Variants in HDAC9 observed in about 807,000 individuals in gnomAD.
HDAC9 encodes the protein MEF-2 interacting transcription repressor (MITR) protein.
A neutral mutation model predicts 139.4 loss-of-function variants in HDAC9; 41 were observed. The observed-to-expected ratio is 0.29, with a 90% CI of 0.23 to 0.38. HDAC9 has a LOEUF of 0.38. HDAC9 is among the 10% of genes least tolerant of loss of function. HDAC9 has a pLI of 1.00. For synonymous variants in HDAC9, 517 were observed against 476.2 expected (o/e 1.09, Z -1.12); for missense variants, 1,147 against 1,297.0 (o/e 0.88, Z 1.78).
At chr7:18,245,612 A>G (rs553388882) in intron 2 of HDAC9, among the ~76,000 whole-genome samples, 1 of 152,330 alleles carries the variant, frequency 6.6e-6, no homozygotes, top group South Asian at 2.1e-4. Context: ...GCTAACTTCA[A>G]GGACACTGAG....
chr7:18,713,599 C>T (rs1282255655), intron 12 of HDAC9, among the ~76,000 whole-genome samples: 1 of 151,998 alleles, frequency 6.6e-6, no homozygotes, highest in Non-Finnish European at 1.5e-5. Context: ...GTCTTGTCAT[C>T]CTCATAAGGA....
Position 18,509,404 on chromosome 7 carries a change from G to A in HDAC9, c.22+13080G>A, listed in dbSNP as rs570463569. On this transcript the variant is annotated intron_variant, in intron 2 of 25. Coordinates refer to ENST00000686413, the MANE Select transcript of HDAC9 (RefSeq NM_178425.4). Reference sequence around the variant, plus strand: ...AGACTGAGACCGAGCCAAACTCCTGGCCAACGTGCTTTGTGGATTCACAGT... The same window carrying A: ...AGACTGAGACCGAGCCAAACTCCTGACCAACGTGCTTTGTGGATTCACAGT... 14 of 985,422 alleles carry A rather than the reference G, an allele frequency of 1.4e-5. No homozygotes were observed. In the African/African-American group the frequency reaches 2.3e-4, roughly 16 times the overall value. 61.0% of individuals were successfully genotyped at this position (985,422 alleles called of 1,614,324 possible).
At chr7:18,310,931 A>C (rs1301005082) in intron 1 of HDAC9, among the ~76,000 whole-genome samples, 1 of 151,950 alleles carries the variant, frequency 6.6e-6, no homozygotes, top group Non-Finnish European at 1.5e-5. Flanking sequence ...TATCTCTTTC[A>C]AATTTCTATT....
At chr7:18,583,068 A>G (rs995247917) in intron 2 of HDAC9, among the ~76,000 whole-genome samples, 3 of 152,000 alleles carry the variant, frequency 2.0e-5, no homozygotes, top group Admixed American at 2.0e-4. Flanking sequence ...ATGTTTTAGT[A>G]TTTTTATTTT....
At chr7:18,930,080 G>A (rs1303624599) in intron 22 of HDAC9, among the ~76,000 whole-genome samples, 24 of 152,168 alleles carry the variant, frequency 1.6e-4, no homozygotes, top group Admixed American at 1.6e-3. Flanking sequence ...ATATGAACCT[G>A]TACATGTGGC....
At chr7:18,734,519 G>A (rs544391444) in intron 13 of HDAC9, among the ~76,000 whole-genome samples, 1 of 152,234 alleles carries the variant, frequency 6.6e-6, no homozygotes, top group South Asian at 2.1e-4. Flanking sequence ...TGAGAATGGT[G>A]GTTTCCAGCT....
intron 2 of HDAC9, among the ~76,000 whole-genome samples, chr7:18,547,857 T>TTCCC (rs1563229989): frequency 8.4e-6 from 1 of 118,456 alleles, no homozygotes; most frequent in Non-Finnish European, 1.7e-5. Flanking sequence ...CCTTCCTTCC[T>TTCCC]ACCCTCCCTC....
chr7:18,474,941 G>A (rs750162493), intron 1 of HDAC9, among the ~76,000 whole-genome samples: 2 of 152,196 alleles, frequency 1.3e-5, no homozygotes, highest in Non-Finnish European at 2.9e-5. Flanking sequence ...TTGTATGGAT[G>A]TTGCTGATGT....
intron 1 of HDAC9, among the ~76,000 whole-genome samples, chr7:18,390,447 T>C (rs1786368043): frequency 6.6e-6 from 1 of 152,114 alleles, no homozygotes; most frequent in African/African-American, 2.4e-5. Context: ...ATGTTTGGTT[T>C]TATTCTTAGT....
intron 13 of HDAC9, among the ~76,000 whole-genome samples, chr7:18,745,167 G>A (rs1787825389): frequency 6.6e-6 from 1 of 152,142 alleles, no homozygotes; most frequent in Non-Finnish European, 1.5e-5. Context: ...GAGAGAGAAT[G>A]AAAGAGAGAG....
At chr7:18,259,301 C>A (rs1343782730) in intron 2 of HDAC9, among the ~76,000 whole-genome samples, 1 of 151,962 alleles carries the variant, frequency 6.6e-6, no homozygotes, top group African/African-American at 2.4e-5. Context: ...TAAACAGTGC[C>A]ATGATTGCAG....
chr7:18,771,751 C>G (rs1449806111), intron 16 of HDAC9, among the ~76,000 whole-genome samples: 2 of 152,020 alleles, frequency 1.3e-5, no homozygotes, highest in Non-Finnish European at 2.9e-5. Context: ...TCTGGTGTTT[C>G]CCTCCATTAT....
chr7:18,847,011 G>T (rs1367539635), intron 21 of HDAC9, among the ~76,000 whole-genome samples: 1 of 152,174 alleles, frequency 6.6e-6, no homozygotes, highest in East Asian at 1.9e-4. Flanking sequence ...CAGTGACTTT[G>T]ATATTGTTTG....
intron 12 of HDAC9, among the ~76,000 whole-genome samples, chr7:18,692,301 C>T (rs1439945949): frequency 6.6e-6 from 1 of 152,010 alleles, no homozygotes; most frequent in African/African-American, 2.4e-5. Flanking sequence ...TGTGGAGACA[C>T]CCGGAGTACT....
intron 19 of HDAC9, among the ~76,000 whole-genome samples, chr7:18,831,462 TTTGA>T (rs1795851999): frequency 6.6e-6 from 1 of 152,198 alleles, no homozygotes; most frequent in Non-Finnish European, 1.5e-5. Flanking sequence ...CTTCCTGGCC[TTTGA>T]TTATGTATTT....
intron 22 of HDAC9, among the ~76,000 whole-genome samples, chr7:18,933,765 A>G (rs1184481362): frequency 2.0e-5 from 3 of 152,194 alleles, no homozygotes; most frequent in Non-Finnish European, 2.9e-5. Flanking sequence ...GCTGAAAGAA[A>G]TAAAAGAAGA....
At chr7:18,241,515 G>T (rs548443392) in intron 2 of HDAC9, among the ~76,000 whole-genome samples, 1 of 152,180 alleles carries the variant, frequency 6.6e-6, no homozygotes, top group South Asian at 2.1e-4. Flanking sequence ...CCTCTTTGTT[G>T]TTTTCACTAC....
At chr7:18,890,798 T>C (rs536037941) in intron 22 of HDAC9, among the ~76,000 whole-genome samples, 5 of 152,314 alleles carry the variant, frequency 3.3e-5, no homozygotes, top group East Asian at 3.9e-4. Context: ...TAGAAACTTA[T>C]CTTTGATGGC....
chr7:18,680,739 C>G (rs1279084517), intron 12 of HDAC9, among the ~76,000 whole-genome samples: 1 of 152,006 alleles, frequency 6.6e-6, no homozygotes, highest in Non-Finnish European at 1.5e-5. Flanking sequence ...ATTTAATTAG[C>G]CCAATCACGT....
Sources: allele counts gnomAD v4.1 joint callset (sites outside exome capture counted in the v4.1 genomes callset), GRCh38; gene constraint gnomAD v4.1.1; transcripts MANE v1.5; gene names NCBI Gene and HGNC (gene_info 2026-07-23, HGNC 2026-07-21).